Variants in CTNND2 observed in about 807,000 individuals in gnomAD.
CTNND2 encodes the protein catenin delta 2, also known as catenin delta-2.
In CTNND2, 22 loss-of-function variants were observed where a neutral mutation model predicts 144.4. That is an observed-to-expected ratio of 0.15 (90% CI 0.11 to 0.22). CTNND2 has a LOEUF of 0.22. Ranked by LOEUF, CTNND2 falls within the 10% of genes least tolerant of loss-of-function variation. The pLI is 1.00. For missense variants in CTNND2, 1,353 were observed against 1,618.8 expected, an observed-to-expected ratio of 0.84 and a Z score of 2.82; for synonymous variants, 751 against 695.6, an observed-to-expected ratio of 1.08 and a Z score of -1.25.
chr5:11,024,623 AT>A (rs1742627067), intron 16 of CTNND2, among the ~76,000 whole-genome samples: 2 of 152,212 alleles, frequency 1.3e-5, no homozygotes, highest in African/African-American at 2.4e-5. Context: ...TACTCCAGTC[AT>A]TGTATATACG....
chr5:11,122,768 A>T (rs1488142357), intron 12 of CTNND2, among the ~76,000 whole-genome samples: 1 of 151,970 alleles, frequency 6.6e-6, no homozygotes, highest in African/African-American at 2.4e-5. Flanking sequence ...AGAGAACAGA[A>T]CTAGGTTTAA....
chr5:11,283,430 C>T (rs901786712), intron 9 of CTNND2, among the ~76,000 whole-genome samples: 6 of 151,980 alleles, frequency 3.9e-5, no homozygotes, highest in Non-Finnish European at 7.4e-5. Context: ...AATCTCAGCA[C>T]TTTGGGAGGC....
At chr5:11,445,691 C>A (rs1214963636) in intron 3 of CTNND2, among the ~76,000 whole-genome samples, 1 of 152,202 alleles carries the variant, frequency 6.6e-6, no homozygotes, top group African/African-American at 2.4e-5. Flanking sequence ...AGGCTTTCAG[C>A]CACAGGGAGG....
chr5:11,798,539 C>A (rs1234108552), intron 1 of CTNND2, among the ~76,000 whole-genome samples: 5 of 152,140 alleles, frequency 3.3e-5, no homozygotes, highest in Non-Finnish European at 7.4e-5. Context: ...GAGGCCAAGG[C>A]GGACAGATCA....
chr5:11,796,303 G>A (rs1418248460), intron 1 of CTNND2, among the ~76,000 whole-genome samples: 2 of 152,076 alleles, frequency 1.3e-5, no homozygotes, highest in East Asian at 1.9e-4. Context: ...ATTCTTCCAC[G>A]AACTACACTG....
intron 3 of CTNND2, among the ~76,000 whole-genome samples, chr5:11,477,357 A>G (rs1225991283): frequency 3.3e-5 from 5 of 150,688 alleles, no homozygotes; most frequent in African/African-American, 1.2e-4. Flanking sequence ...CCCAAGGAAA[A>G]ATGTTTATGA....
intron 1 of CTNND2, among the ~76,000 whole-genome samples, chr5:11,846,032 A>C (rs561773866): frequency 6.6e-6 from 1 of 152,312 alleles, no homozygotes; most frequent in African/African-American, 2.4e-5. Flanking sequence ...ATGATTTCTA[A>C]ATGAATGAAT....
chr5:11,477,485 C>G (rs1018874659), intron 3 of CTNND2, among the ~76,000 whole-genome samples: 5 of 151,654 alleles, frequency 3.3e-5, no homozygotes, highest in Non-Finnish European at 5.9e-5. Flanking sequence ...GATCATGGCT[C>G]ACTGTAATCT....
At chr5:11,112,596 G>A (rs1298256671) in intron 13 of CTNND2, among the ~76,000 whole-genome samples, 1 of 151,728 alleles carries the variant, frequency 6.6e-6, no homozygotes, top group African/African-American at 2.4e-5. Context: ...GGTTATGACA[G>A]CAACAGGAAA....
rs1255014072 is a variant in CTNND2 at position 11,813,336 on chromosome 5, C to T, written c.38-81064G>A. 4.6e-5 allele frequency among the ~76,000 whole-genome samples: 7 copies of T among 152,294 alleles called. No individual in the cohort carries two copies. The East Asian group carries it at 1.4e-3, about 29-fold the overall frequency. ...CTCAGAACGTATCCCAGTCATTAAGCAGAGCAGGACTTACCACAGTCTTCC... is the reference window on the plus strand; with the variant it reads ...CTCAGAACGTATCCCAGTCATTAAGTAGAGCAGGACTTACCACAGTCTTCC... On this transcript the variant is annotated intron_variant, in intron 1 of 21. Transcript: ENST00000304623.
At chr5:11,323,232 G>GT (rs1554032306) in intron 9 of CTNND2, among the ~76,000 whole-genome samples, 5 of 10,070 alleles carry the variant, frequency 5.0e-4, no homozygotes, top group South Asian at 8.6e-3. Flanking sequence ...TTTAGAGATT[G>GT]GGGGGGGGGG....
At chr5:11,745,375 G>A (rs576832131) in intron 1 of CTNND2, among the ~76,000 whole-genome samples, 8 of 152,196 alleles carry the variant, frequency 5.3e-5, no homozygotes, top group Non-Finnish European at 7.4e-5. Flanking sequence ...GTGGAATCCT[G>A]GGGAGAGGCT....
At chr5:11,538,562 A>G (rs1774431118) in intron 3 of CTNND2, among the ~76,000 whole-genome samples, 1 of 152,184 alleles carries the variant, frequency 6.6e-6, no homozygotes, top group South Asian at 2.1e-4. Flanking sequence ...TGCTTCTGCT[A>G]TTTTCATAAC....
chr5:11,294,934 C>A (rs539998935), intron 9 of CTNND2, among the ~76,000 whole-genome samples: 1 of 152,178 alleles, frequency 6.6e-6, no homozygotes, highest in Non-Finnish European at 1.5e-5. Flanking sequence ...GACAAGGATG[C>A]CCTCTCTCAC....
At chr5:11,755,756 T>G (rs1057188067) in intron 1 of CTNND2, among the ~76,000 whole-genome samples, 2 of 151,574 alleles carry the variant, frequency 1.3e-5, no homozygotes. Flanking sequence ...TATGAAATTC[T>G]TGAAGTGAGC....
chr5:11,175,407 T>TATA (rs1760382920), intron 11 of CTNND2, among the ~76,000 whole-genome samples: 1 of 152,198 alleles, frequency 6.6e-6, no homozygotes, highest in African/African-American at 2.4e-5. Flanking sequence ...CTCTTGTTTA[T>TATA]CGCTCTATTC....
chr5:11,399,659 A>G (rs185603812), intron 5 of CTNND2, among the ~76,000 whole-genome samples: 2 of 152,372 alleles, frequency 1.3e-5, no homozygotes, highest in African/African-American at 4.8e-5. Flanking sequence ...CATCTTTTAT[A>G]GAATCAGTTG....
chr5:11,176,988 A>G (rs911073781), intron 11 of CTNND2, among the ~76,000 whole-genome samples: 1 of 152,222 alleles, frequency 6.6e-6, no homozygotes, highest in African/African-American at 2.4e-5. Context: ...TGTTTTTCAT[A>G]TAAGTTTCTT....
intron 9 of CTNND2, among the ~76,000 whole-genome samples, chr5:11,247,485 A>T (rs1743124649): frequency 6.6e-6 from 1 of 152,224 alleles, no homozygotes; most frequent in Non-Finnish European, 1.5e-5. Flanking sequence ...TTTCACAATT[A>T]GAAGGAACAA....
Sources: gnomAD v4.1 joint callset for allele counts (sites outside exome capture counted in the v4.1 genomes callset) on GRCh38, gnomAD v4.1.1 for gene constraint, MANE v1.5 for transcripts, NCBI Gene and HGNC (gene_info 2026-07-23, HGNC 2026-07-21) for gene names.